VPS13D: variants seen among roughly 807,000 people sequenced by gnomAD.
VPS13D encodes intermembrane lipid transfer protein VPS13D.
VPS13D carries 187 observed loss-of-function variants against 461.9 expected under a neutral mutation model. That is an observed-to-expected ratio of 0.40 (90% CI 0.36 to 0.46). VPS13D has a LOEUF of 0.46. Among genes scored for constraint, VPS13D ranks in the 20% least tolerant of loss-of-function variants. The pLI is 0.60. For synonymous variants in VPS13D, 1,951 were observed against 1,986.3 expected (o/e 0.98, Z 0.47); for missense variants, 4,711 against 5,364.9 (o/e 0.88, Z 3.81).
chr1:12,423,824 C>T (rs1354181676), intron 65 of VPS13D, among the ~76,000 whole-genome samples: 3 of 152,280 alleles, frequency 2.0e-5, no homozygotes, highest in African/African-American at 7.2e-5. Context: ...TAAGAAACAG[C>T]ATTTTTTGTT....
chr1:12,446,943 T>G (rs1054962079), intron 65 of VPS13D, among the ~76,000 whole-genome samples: 13 of 152,148 alleles, frequency 8.5e-5, no homozygotes, highest in Non-Finnish European at 1.0e-4. Context: ...TGGGACCTGT[T>G]TCAGATTGTC....
chr1:12,234,064 A>G (rs1346679147), intron 1 of VPS13D, 127 bp from the exon 2 acceptor site: 1 of 449,960 alleles, frequency 2.2e-6, no homozygotes, highest in Admixed American at 3.5e-5. Context: ...AAACAAAAAC[A>G]CAAACAAACA....
chr1:12,394,153 C>T (rs375870191), intron 60 of VPS13D, among the ~76,000 whole-genome samples: 7 of 152,238 alleles, frequency 4.6e-5, no homozygotes, highest in East Asian at 1.9e-4. Flanking sequence ...CAAGGGGATC[C>T]GGCCTCCCCT....
chr1:12,406,869 G>A (rs1280866250), intron 63 of VPS13D, among the ~76,000 whole-genome samples: 1 of 152,126 alleles, frequency 6.6e-6, no homozygotes, highest in Non-Finnish European at 1.5e-5. Flanking sequence ...GAGCATTGGG[G>A]TATTACAAAA....
At chr1:12,491,213 C>G (rs34326956) in intron 67 of VPS13D, among the ~76,000 whole-genome samples, 1 of 152,216 alleles carries the variant, frequency 6.6e-6, no homozygotes, top group Non-Finnish European at 1.5e-5. Context: ...TCACACAACC[C>G]TTAAGGAAGA....
At chr1:12,428,361 T>C (rs1234792696) in intron 65 of VPS13D, among the ~76,000 whole-genome samples, 3 of 152,204 alleles carry the variant, frequency 2.0e-5, no homozygotes, top group Non-Finnish European at 4.4e-5. Flanking sequence ...CTTTTCCTTT[T>C]CTATTACACA....
intron 26 of VPS13D, 133 bp from the exon 27 acceptor site, chr1:12,308,297 TG>T: frequency 1.1e-6 from 1 of 908,114 alleles, no homozygotes; most frequent in Non-Finnish European, 1.7e-6. Flanking sequence ...TTCTGAGTAG[TG>T]GACAGTGTGG....
At chr1:12,403,024 A>G (rs1216806013) in intron 62 of VPS13D, among the ~76,000 whole-genome samples, 1 of 152,196 alleles carries the variant, frequency 6.6e-6, no homozygotes, top group Admixed American at 6.5e-5. Flanking sequence ...CTCAGCATAA[A>G]TGGGCAGGTC....
At position 12,379,699 on chromosome 1, in the gene VPS13D, T is replaced by G. The variant is rs901825519; in HGVS notation, c.11190+103T>G. The G allele has an allele frequency of 1.2e-5, 9 of 742,098 alleles. No homozygotes were observed. In the Admixed American group the frequency reaches 1.7e-4, roughly 14 times the overall value. 46.0% of individuals were successfully genotyped at this position (742,098 alleles called of 1,614,324 possible). A position where few individuals can be genotyped will look rare whatever the true frequency, so the allele number is the denominator to read the frequency against. On this transcript the variant is annotated intron_variant, in intron 57 of 69. Coordinates refer to ENST00000620676, the MANE Select transcript of VPS13D (RefSeq NM_015378.4). ...ATGATGAATTGTTCAGTGGGAAAAC[T>G]AGTTACAGAGCAATACTTATTCTAT...
rs1642195134 is a variant in VPS13D, at chr1:12,293,711, A to AG, written c.6033+8dup. 1 of 1,611,522 alleles carries AG rather than the reference A, an allele frequency of 6.2e-7. No individual in the cohort carries two copies. The highest frequency in any genetic ancestry group is 1.3e-5 in the African/African-American group (1 of 74,908). ...TGCTATTGAGGGGCAGACGGTAGGT[A>AG]GCCTGGGCCCTCCAAGCTGCTTTTC... On this transcript the variant is annotated splice_region_variant and intron_variant, in intron 24 of 69. Transcript: ENST00000620676.
chr1:12,259,920 C>T (rs978591860), intron 10 of VPS13D, among the ~76,000 whole-genome samples: 2 of 151,618 alleles, frequency 1.3e-5, no homozygotes, highest in African/African-American at 2.4e-5. Flanking sequence ...AGGCTGCTTA[C>T]TCCTCATCTG....
At chr1:12,470,065 T>G (rs1294072725) in intron 67 of VPS13D, among the ~76,000 whole-genome samples, 1 of 152,232 alleles carries the variant, frequency 6.6e-6, no homozygotes, top group Non-Finnish European at 1.5e-5. Flanking sequence ...TATGAGGCAG[T>G]TGTTCTGTGT....
At position 12,509,333 on chromosome 1, in the gene VPS13D, A is replaced by G. The variant is rs1378141690; in HGVS notation, c.*309A>G. 1 of 265,696 alleles carries G rather than the reference A, an allele frequency of 3.8e-6. No individual in the cohort carries two copies. The highest frequency in any genetic ancestry group is 8.2e-5 in the East Asian group (1 of 12,232). The allele number at this position is 265,696 out of a possible 1,614,324, so 16.5% of individuals were successfully genotyped here. On this transcript the variant is annotated 3_prime_UTR_variant, in exon 70 of 70. Transcript: ENST00000620676. ...ATTTTGTTAACATGTATATATGTAC[A>G]ACAGTGTGTTTGTAAATATATAGGA... is the stretch of plus-strand genomic sequence containing the variant.
intron 55 of VPS13D, among the ~76,000 whole-genome samples, chr1:12,375,592 A>G (rs932033646): frequency 1.4e-4 from 22 of 152,116 alleles, no homozygotes; most frequent in African/African-American, 5.1e-4. Flanking sequence ...CTCCGTCACC[A>G]CAGTTGTCCC....
At chr1:12,493,611 T>TA (rs1645917423) in intron 67 of VPS13D, among the ~76,000 whole-genome samples, 1 of 152,204 alleles carries the variant, frequency 6.6e-6, no homozygotes, top group African/African-American at 2.4e-5. Flanking sequence ...GGACTGCTGT[T>TA]ACATGGTCAT....
chr1:12,318,477 A>T (rs1642948135), intron 31 of VPS13D, 140 bp downstream of exon 31: 1 of 1,125,018 alleles, frequency 8.9e-7, no homozygotes, highest in Non-Finnish European at 1.2e-6. Flanking sequence ...ACCTGCAAGC[A>T]TCAGAGGTCT....
chr1:12,318,166 C>T lies in VPS13D; in HGVS notation c.7243C>T (p.His2415Tyr), dbSNP rs145303326. The T allele has an allele frequency of 1.5e-3, 2,454 of 1,614,088 alleles. 2 individuals are homozygous for T. The highest frequency in any genetic ancestry group is 1.8e-3 in the Non-Finnish European group (2,152 of 1,180,004). The change falls in exon 31 of 70, where the codon CAC (histidine) becomes TAC (tyrosine). Residue 2415 changes from histidine (H) to tyrosine (Y), a missense_variant. Transcript: ENST00000620676. ...GCTACTGTTAGTCCATGATTTTCTC[C>T]ACACTCCCAGTGATATTAAGAAACA... ...DWLLLVHDFL[H>Y]TPSDIKKQNH...
chr1:12,278,530 C>T (rs1458567065), intron 19 of VPS13D, among the ~76,000 whole-genome samples: 10 of 152,200 alleles, frequency 6.6e-5, no homozygotes, highest in Non-Finnish European at 1.5e-4. Flanking sequence ...CTGCCTCGGC[C>T]TCCCAAAGTG....
rs547215328 is a variant in VPS13D at position 12,507,231 on chromosome 1, C to T, written c.13035+138C>T. On this transcript the variant is annotated intron_variant, in intron 69 of 69. Transcript: ENST00000620676. The surrounding 1 kb of genome is among the most constrained non-coding windows in gnomAD (Gnocchi z 5.3). ...TTCCCAGGAGTGCTGCCTCTCAGTC[C>T]TGAACATGGGAGGGGCCCAGGGTAT... 6 of 1,481,232 alleles carry T rather than the reference C, an allele frequency of 4.1e-6. No individual in the cohort carries two copies. Among genetic ancestry groups the T allele is most frequent in the Non-Finnish European group, 4.7e-6 (5 of 1,070,432 alleles). The allele number at this position is 1,481,232 out of a possible 1,614,324, so 91.8% of individuals were successfully genotyped here. A position where few individuals can be genotyped will look rare whatever the true frequency, so the allele number is the denominator to read the frequency against.
Sources: allele counts gnomAD v4.1 joint callset (sites outside exome capture counted in the v4.1 genomes callset), GRCh38; gene constraint gnomAD v4.1.1; non-coding constraint Gnocchi (gnomAD v3.1); transcripts MANE v1.5; gene names NCBI Gene and HGNC (gene_info 2026-07-23, HGNC 2026-07-21).